Variants in TBC1D31 observed in about 807,000 individuals in gnomAD.
The protein encoded by TBC1D31 is WD repeat domain 67.
Under a neutral mutation model 132.9 loss-of-function variants are expected in TBC1D31, and 99 were observed. That is an observed-to-expected ratio of 0.74 (90% CI 0.63 to 0.88). TBC1D31 has a LOEUF of 0.88. Ranked by LOEUF, TBC1D31 falls within the 40% of genes least tolerant of loss-of-function variation. The pLI is 0.00. For missense variants in TBC1D31, 1,134 were observed against 1,256.6 expected, an observed-to-expected ratio of 0.90 and a Z score of 1.48; for synonymous variants, 385 against 419.4, an observed-to-expected ratio of 0.92 and a Z score of 1.00.
rs765919887 is a variant in TBC1D31 at position 123,144,711 on chromosome 8, A to G, written c.2836-6A>G. ...GTAATCTTTTTTTCCATTTATTTGA[A>G]TTTAGTGGAAGGAAGCTGAAGGAAA... On this transcript the variant is annotated splice_region_variant and splice_polypyrimidine_tract_variant and intron_variant, in intron 19 of 21. Transcript: ENST00000287380. The G allele has an allele frequency of 3.9e-5, 63 of 1,596,794 alleles. No individual in the cohort carries two copies. Among genetic ancestry groups the G allele is most frequent in the Admixed American group, 1.1e-4 (6 of 54,364 alleles).
chr8:123,110,943 G>C (rs762988358), intron 10 of TBC1D31, among the ~76,000 whole-genome samples: 1 of 151,920 alleles, frequency 6.6e-6, no homozygotes, highest in Non-Finnish European at 1.5e-5. Context: ...CAATTTATTT[G>C]TTGGAGAAAC....
chr8:123,093,519 C>A (rs1816550432), intron 4 of TBC1D31, 72 bp from the exon 5 acceptor site: 1 of 1,039,762 alleles, frequency 9.6e-7, no homozygotes, highest in Admixed American at 2.5e-5. Flanking sequence ...AAATAGACTA[C>A]TTGTATAATT....
chr8:123,093,420 A>T (rs1311714162), intron 4 of TBC1D31, among the ~76,000 whole-genome samples, 171 bp from the exon 5 acceptor site: 1 of 151,924 alleles, frequency 6.6e-6, no homozygotes, highest in East Asian at 1.9e-4. Flanking sequence ...TTTAGTTAAT[A>T]ATAATTTATG....
intron 12 of TBC1D31, 30 bp downstream of exon 12, chr8:123,126,219 T>TG (rs781582366): frequency 6.3e-7 from 1 of 1,585,370 alleles, no homozygotes; most frequent in Admixed American, 1.8e-5. Context: ...TAGAATAACA[T>TG]GCCTTATTTT....
intron 6 of TBC1D31, among the ~76,000 whole-genome samples, chr8:123,098,309 G>T (rs1339538355): frequency 6.6e-6 from 1 of 151,826 alleles, no homozygotes; most frequent in African/African-American, 2.4e-5. Context: ...CAGTTTTTTT[G>T]TTGTTGTTTT....
At chr8:123,161,291 C>T in the TBC1D31 span, among the ~76,000 whole-genome samples, 10 of 151,884 alleles carry the variant, frequency 6.6e-5, no homozygotes, top group Non-Finnish European at 1.5e-5. Flanking sequence ...CGGAGGTCAC[C>T]TACCCCCGCG....
At chr8:123,130,440 C>T in intron 16 of TBC1D31, 107 bp downstream of exon 16, 1 of 996,784 alleles carries the variant, frequency 1.0e-6, no homozygotes, top group Non-Finnish European at 1.4e-6. Context: ...ACCATGAATA[C>T]TAAATAGCCG....
chr8:123,113,107 C>G (rs1466855430), intron 10 of TBC1D31, among the ~76,000 whole-genome samples: 1 of 152,128 alleles, frequency 6.6e-6, no homozygotes, highest in Non-Finnish European at 1.5e-5. Context: ...TTCCTGAGTT[C>G]AGAGGACAAG....
Position 123,072,815 on chromosome 8 carries a change from C to A in TBC1D31, c.46C>A (p.His16Asn). ...LGNKESGKIW[H>N]RKPSPATRDG... Reference sequence around the variant, plus strand: ...CAACAAGGAGAGCGGCAAGATATGGCACCGCAAGCCGTCCCCGGCCACGCG... The same window carrying A: ...CAACAAGGAGAGCGGCAAGATATGGAACCGCAAGCCGTCCCCGGCCACGCG... Residue 16 changes from histidine (H) to asparagine (N), a missense_variant, in exon 1 of 22, where the codon CAC becomes AAC. By Grantham distance (68) the His-to-Asn change is moderately conservative. Coordinates refer to ENST00000287380, the MANE Select transcript of TBC1D31 (RefSeq NM_145647.4). The A allele has an allele frequency of 6.4e-7, 1 of 1,573,404 alleles. No individual in the cohort carries two copies. Among genetic ancestry groups the A allele is most frequent in the Non-Finnish European group, 8.6e-7 (1 of 1,159,958 alleles).
the TBC1D31 span, among the ~76,000 whole-genome samples, chr8:123,162,036 A>G: frequency 1.3e-5 from 2 of 151,634 alleles, no homozygotes; most frequent in East Asian, 1.9e-4. Context: ...AAAAAAAAAA[A>G]AAAGTACCCA....
intron 10 of TBC1D31, among the ~76,000 whole-genome samples, chr8:123,115,055 T>C (rs747973017): frequency 1.3e-5 from 2 of 152,246 alleles, no homozygotes; most frequent in Non-Finnish European, 2.9e-5. Flanking sequence ...TTATAATAAA[T>C]ACCCTCATAA....
downstream of TBC1D31, among the ~76,000 whole-genome samples, chr8:123,152,389 A>G (rs553834535): frequency 6.6e-6 from 1 of 152,016 alleles, no homozygotes; most frequent in African/African-American, 2.4e-5. Context: ...CCTCTTTGTC[A>G]GGGACCCCAC....
Position 123,144,733 on chromosome 8 carries a change from G to C in TBC1D31, c.2852G>C (p.Gly951Ala), listed in dbSNP as rs1370110471. ...TGAATTTAGTGGAAGGAAGCTGAAG[G>C]AAAAGAGTTCCGTTTGAGATCAGCA... The part of the protein sequence containing the change: ...EEAKKWKEAE[G>A]KEFRLRSAKK... The change falls in exon 20 of 22, where the codon GGA becomes GCA. Residue 951 changes from glycine to alanine, a missense_variant. Physicochemically the swap from Gly to Ala is moderately conservative, Grantham distance 60. Coordinates refer to ENST00000287380, the MANE Select transcript of TBC1D31 (RefSeq NM_145647.4). 5 of 1,605,474 alleles carry C rather than the reference G, an allele frequency of 3.1e-6. No homozygotes were observed. Among genetic ancestry groups the C allele is most frequent in the Non-Finnish European group, 4.2e-6 (5 of 1,177,986 alleles).
At chr8:123,095,862 C>T (rs1816787157) in intron 5 of TBC1D31, among the ~76,000 whole-genome samples, 1 of 152,100 alleles carries the variant, frequency 6.6e-6, no homozygotes, top group Non-Finnish European at 1.5e-5. Flanking sequence ...TTTGACTGGG[C>T]CAATCATTGT....
intron 20 of TBC1D31, among the ~76,000 whole-genome samples, chr8:123,147,477 C>T (rs891978020): frequency 6.6e-6 from 1 of 152,074 alleles, no homozygotes; most frequent in African/African-American, 2.4e-5. Flanking sequence ...CAGCCTTACC[C>T]TTGTTTTAGA....
chr8:123,146,911 G>A (rs550183969), intron 20 of TBC1D31, among the ~76,000 whole-genome samples: 6 of 151,852 alleles, frequency 4.0e-5, no homozygotes, highest in South Asian at 4.2e-4. Flanking sequence ...TCCTGGCCTC[G>A]AGTGATCTGG....
intron 10 of TBC1D31, among the ~76,000 whole-genome samples, chr8:123,117,285 G>A (rs1041446743): frequency 5.3e-5 from 8 of 151,624 alleles, no homozygotes; most frequent in East Asian, 1.9e-4. Flanking sequence ...ACTGCACTCC[G>A]CCTGGGTGAA....
At chr8:123,090,136 T>G (rs1816189982) in intron 4 of TBC1D31, among the ~76,000 whole-genome samples, 1 of 152,230 alleles carries the variant, frequency 6.6e-6, no homozygotes, top group Admixed American at 6.5e-5. Context: ...TTTAGTATGT[T>G]CCATGAACCT....
In TBC1D31 at chr8:123,105,296, G is replaced by A. The variant is rs150391599; in HGVS notation, c.1041G>A (p.Pro347=). The A allele has an allele frequency of 8.5e-4, 1,320 of 1,552,364 alleles. No homozygotes were observed. Among genetic ancestry groups the A allele is most frequent in the Non-Finnish European group, 1.1e-3 (1,226 of 1,148,724 alleles). The change falls in exon 8 of 22, where the codon CCG becomes CCA. Residue 347 remains proline, a synonymous_variant. Transcript: ENST00000287380. ...TTTATTTTTCCATTTAGCCACCTCC[G>A]CCTTTAGTGAAAGTTATTGAAGATT... ...ALTQEINKPP[P]PLVKVIEDLP... is the part of the protein sequence containing the mutation.
Sources: allele counts gnomAD v4.1 joint callset (sites outside exome capture counted in the v4.1 genomes callset), GRCh38; gene constraint gnomAD v4.1.1; transcripts MANE v1.5; gene names NCBI Gene and HGNC (gene_info 2026-07-23, HGNC 2026-07-21).